The following KAZN variants were observed in gnomAD, a reference collection of about 807,000 sequenced individuals.
KAZN encodes kazrin, periplakin interacting protein.
Under a neutral mutation model 87.4 loss-of-function variants are expected in KAZN, and 40 were observed. The ratio of observed to expected loss-of-function variants is 0.46; its 90% CI spans 0.36 to 0.60. KAZN has a LOEUF of 0.60. KAZN is among the 20% of genes least tolerant of loss of function. The pLI is 0.00. For missense variants in KAZN, 898 were observed against 1,073.9 expected, an observed-to-expected ratio of 0.84 and a Z score of 2.29; for synonymous variants, 466 against 458.3, an observed-to-expected ratio of 1.02 and a Z score of -0.22.
At chr1:15,101,195 C>CTCTCTCTCTCTCTCTCT (rs1573306238) in intron 10 of KAZN, among the ~76,000 whole-genome samples, 5 of 60,468 alleles carry the variant, frequency 8.3e-5, no homozygotes, top group Non-Finnish European at 1.6e-4. Context: ...TCTGCCTCTT[C>CTCTCTCTCTCTCTCTCT]CTCTTTGTTC....
intron 1 of KAZN, among the ~76,000 whole-genome samples, chr1:14,147,565 G>A (rs376081811): frequency 2.8e-4 from 43 of 152,276 alleles, no homozygotes; most frequent in African/African-American, 9.9e-4. Context: ...AGGCCAAGGC[G>A]AGTGGATTAC....
At chr1:14,660,134 A>T (rs1290759184) in intron 1 of KAZN, among the ~76,000 whole-genome samples, 2 of 151,990 alleles carry the variant, frequency 1.3e-5, no homozygotes, top group Non-Finnish European at 2.9e-5. Flanking sequence ...CTGGGAGGGG[A>T]AGGGAAGTCG....
intron 1 of KAZN, among the ~76,000 whole-genome samples, chr1:13,945,183 T>G (rs1319144969): frequency 6.6e-6 from 1 of 151,996 alleles, no homozygotes; most frequent in Non-Finnish European, 1.5e-5. Flanking sequence ...AATAAAAAAT[T>G]TATGTGCAGG....
At chr1:15,006,336 A>G (rs1668996103) in intron 2 of KAZN, among the ~76,000 whole-genome samples, 2 of 152,218 alleles carry the variant, frequency 1.3e-5, no homozygotes, top group Admixed American at 1.3e-4. Flanking sequence ...CTACCTGCAG[A>G]GGTTTGGTGG....
intron 2 of KAZN, among the ~76,000 whole-genome samples, chr1:14,234,478 A>C (rs931318763): frequency 1.3e-5 from 2 of 152,142 alleles, no homozygotes; most frequent in Non-Finnish European, 2.9e-5. Flanking sequence ...GGGTGCAGCA[A>C]ACCACCATGG....
At chr1:14,616,727 A>T (rs902339926) in intron 1 of KAZN, among the ~76,000 whole-genome samples, 1 of 152,158 alleles carries the variant, frequency 6.6e-6, no homozygotes, top group African/African-American at 2.4e-5. Context: ...TGGAGCTGCG[A>T]TCTCAGGGTT....
chr1:15,071,584 A>G (rs1320810067), intron 8 of KAZN, among the ~76,000 whole-genome samples: 1 of 152,188 alleles, frequency 6.6e-6, no homozygotes, highest in Non-Finnish European at 1.5e-5. Context: ...CCTGAACCAC[A>G]ATTGGATGAT....
chr1:14,872,999 C>CACGG (rs1652330021), intron 1 of KAZN, among the ~76,000 whole-genome samples: 1 of 140,612 alleles, frequency 7.1e-6, no homozygotes, highest in African/African-American at 2.7e-5. Context: ...TAGAAGGATA[C>CACGG]ATGGATGGAT....
At position 14,951,545 on chromosome 1, in the gene KAZN, C is replaced by T. The variant is rs149807110; in HGVS notation, c.227-9139C>T. ...AGGCTGGGATGCAATGGCACAATCT[C>T]GGTTCACTGCAACCTCCACCTCCCA... On this transcript the variant is annotated intron_variant, in intron 1 of 14. Transcript: ENST00000376030. Among the ~76,000 whole-genome samples, 226 of 152,074 alleles carry T rather than the reference C, an allele frequency of 1.5e-3. 1 individual carries two copies. Among genetic ancestry groups the T allele is most frequent in the African/African-American group, 5.2e-3 (216 of 41,430 alleles).
At chr1:13,981,968 C>A (rs1329015396) in intron 1 of KAZN, among the ~76,000 whole-genome samples, 1 of 152,158 alleles carries the variant, frequency 6.6e-6, no homozygotes, top group Admixed American at 6.5e-5. Context: ...GCCACTTGGC[C>A]GAAGTCACAC....
At chr1:14,405,632 G>T (rs1663785304) in intron 2 of KAZN, among the ~76,000 whole-genome samples, 2 of 151,624 alleles carry the variant, frequency 1.3e-5, no homozygotes, top group African/African-American at 2.4e-5. Context: ...GTGTGTGTGT[G>T]TGTGTGTGTG....
In KAZN at chr1:14,883,355, A is replaced by AAAGAAAGAAAG. The variant is rs1449958306; in HGVS notation, c.227-77327_227-77326insGAAAGAAAGAA. On this transcript the variant is annotated intron_variant, in intron 1 of 14. Transcript: ENST00000376030. ...GAGAGAGAGAGAGAAAGAAAGAAAG[A>AAAGAAAGAAAG]AAAGAAAGAAAGAAAGAAAGAAAGA... is the stretch of plus-strand genomic sequence containing the variant. 9.2e-3 allele frequency among the ~76,000 whole-genome samples: 190 copies of AAAGAAAGAAAG among 20,614 alleles called. 47 individuals carry two copies. The highest frequency in any genetic ancestry group is 0.016 in the Admixed American group (24 of 1,494). The allele number at this position is 20,614 out of a possible 152,430, so 13.5% of individuals were successfully genotyped here.
In KAZN at chr1:13,934,092, C is replaced by A. The variant is rs567919358; in HGVS notation, c.91+40336C>A. Among the ~76,000 whole-genome samples, 75 of 152,322 alleles carry A rather than the reference C, an allele frequency of 4.9e-4. 1 individual carries two copies. The South Asian group carries it at 0.013, about 26-fold the overall frequency. ...GTCCTTTTAAATAACATAGATATTT[C>A]TCTCCCTGGGAACTAGTATAGAATA... On this transcript the variant is annotated intron_variant, in intron 1 of 16. Transcript: ENST00000636203.
At chr1:13,952,972 A>G (rs1291452815) in intron 1 of KAZN, among the ~76,000 whole-genome samples, 1 of 152,204 alleles carries the variant, frequency 6.6e-6, no homozygotes, top group Non-Finnish European at 1.5e-5. Flanking sequence ...TTAGCTCATC[A>G]TAAAAGATAT....
intron 2 of KAZN, among the ~76,000 whole-genome samples, chr1:14,397,622 C>T (rs141128615): frequency 0.029 from 4,434 of 151,900 alleles, 237 homozygotes; most frequent in African/African-American, 0.1. Flanking sequence ...TTTGGGAGGC[C>T]GAGGCGGGCG....
chr1:14,422,091 C>T (rs1015284667), intron 2 of KAZN, among the ~76,000 whole-genome samples: 2 of 152,202 alleles, frequency 1.3e-5, no homozygotes, highest in Admixed American at 1.3e-4. Flanking sequence ...GAAATTTCAG[C>T]AGCAAAGGAG....
chr1:14,809,102 G>C (rs1646321913), intron 1 of KAZN, among the ~76,000 whole-genome samples: 1 of 152,118 alleles, frequency 6.6e-6, no homozygotes, highest in African/African-American at 2.4e-5. Flanking sequence ...ACCAGAACAG[G>C]GCCCCAGGTC....
chr1:14,384,819 T>C (rs1661721315), intron 2 of KAZN, among the ~76,000 whole-genome samples: 1 of 151,972 alleles, frequency 6.6e-6, no homozygotes, highest in Admixed American at 6.6e-5. Context: ...ATCAGGATGA[T>C]GCTGGCCTCA....
intron 2 of KAZN, among the ~76,000 whole-genome samples, chr1:14,293,716 G>T (rs1361337): frequency 0.018 from 2,697 of 151,756 alleles, 47 homozygotes; most frequent in Non-Finnish European, 0.027. Context: ...GACTAGCCTT[G>T]TTGGGGTCTC....
Sources: allele counts gnomAD v4.1 joint callset (sites outside exome capture counted in the v4.1 genomes callset), GRCh38; gene constraint gnomAD v4.1.1; transcripts MANE v1.5; gene names NCBI Gene and HGNC (gene_info 2026-07-23, HGNC 2026-07-21).